The following AGBL1 variants were observed in gnomAD, a reference collection of about 807,000 sequenced individuals.
AGBL1 encodes AGBL carboxypeptidase 1.
Under a neutral mutation model 118.9 loss-of-function variants are expected in AGBL1, and 130 were observed. The ratio of observed to expected loss-of-function variants is 1.09; its 90% CI spans 0.95 to 1.26. The LOEUF (loss-of-function observed/expected upper bound fraction) is 1.26. AGBL1 is among the 50% of genes most tolerant of loss of function. AGBL1 has a pLI of 0.00. For synonymous variants in AGBL1, 555 were observed against 478.9 expected, an observed-to-expected ratio of 1.16 and a Z score of -2.08; for missense variants, 1,584 against 1,298.1, an observed-to-expected ratio of 1.22 and a Z score of -3.38.
At chr15:86,834,129 T>G (rs1431921623) in intron 22 of AGBL1, among the ~76,000 whole-genome samples, 1 of 152,132 alleles carries the variant, frequency 6.6e-6, no homozygotes, top group East Asian at 1.9e-4. Context: ...AAGGAAGCCC[T>G]ATGTCGGGAT....
At chr15:86,729,937 A>AT (rs903702388) in intron 22 of AGBL1, among the ~76,000 whole-genome samples, 3 of 152,032 alleles carry the variant, frequency 2.0e-5, no homozygotes, top group African/African-American at 7.2e-5. Context: ...AACATCTGTT[A>AT]TTTTTTTGAC....
At chr15:86,991,343 C>T (rs890959018) in intron 24 of AGBL1, among the ~76,000 whole-genome samples, 1 of 113,898 alleles carries the variant, frequency 8.8e-6, no homozygotes, top group African/African-American at 3.0e-5. Context: ...AAAATTCCCT[C>T]AGCATCTGAA....
intron 18 of AGBL1, among the ~76,000 whole-genome samples, chr15:86,412,965 A>G (rs2081642827): frequency 6.6e-6 from 1 of 152,210 alleles, no homozygotes; most frequent in Non-Finnish European, 1.5e-5. Flanking sequence ...ATATTTTAAG[A>G]GCAAAATAAG....
chr15:86,538,698 A>G (rs1195063210), intron 19 of AGBL1, among the ~76,000 whole-genome samples: 1 of 152,238 alleles, frequency 6.6e-6, no homozygotes, highest in East Asian at 1.9e-4. Flanking sequence ...GGTATAAATA[A>G]TGCAAATGTC....
At chr15:86,939,801 A>C (rs1412006226) in intron 23 of AGBL1, 1 of 152,244 alleles carries the variant, frequency 6.6e-6, no homozygotes, top group Non-Finnish European at 1.5e-5. Flanking sequence ...TGGAATAAGG[A>C]AGAAAGTCAG....
intron 18 of AGBL1, among the ~76,000 whole-genome samples, chr15:86,474,730 G>C (rs1024642733): frequency 6.6e-6 from 1 of 152,182 alleles, no homozygotes; most frequent in African/African-American, 2.4e-5. Flanking sequence ...GACAGTAGTG[G>C]TTCTCCCAGC....
chr15:86,767,488 CA>C (rs930239252), intron 22 of AGBL1, among the ~76,000 whole-genome samples: 7 of 151,802 alleles, frequency 4.6e-5, no homozygotes, highest in African/African-American at 1.7e-4. Flanking sequence ...GCATGTTACC[CA>C]AAGGATGGAT....
At position 86,907,564 on chromosome 15, in the gene AGBL1, C is replaced by T. The variant is rs577971290; in HGVS notation, c.*270C>T. ...TAGAATGGGACCCAATGGGTAGCCT[C>T]AAGATTACCATGGATCCTTTCAAGA... On this transcript the variant is annotated 3_prime_UTR_variant, in exon 23 of 23. Coordinates refer to ENST00000614907, the MANE Select transcript of AGBL1 (RefSeq NM_001386094.1). The T allele has an allele frequency of 3.3e-5, 5 of 152,278 alleles. No homozygotes were observed. The East Asian group carries it at 7.7e-4, about 24-fold the overall frequency. 9.4% of individuals were successfully genotyped at this position (152,278 alleles called of 1,614,324 possible).
chr15:86,723,279 G>T (rs765999941), intron 22 of AGBL1, among the ~76,000 whole-genome samples: 2 of 152,170 alleles, frequency 1.3e-5, no homozygotes, highest in African/African-American at 4.8e-5. Context: ...TGATAGACTG[G>T]ATTAAGAAAA....
Position 86,871,923 on chromosome 15 carries a change from ATACAGT to A in AGBL1, c.3159-35159_3159-35154del, listed in dbSNP as rs1446628908. ...GTCACTTGACACATTTAGCTTTAAA[ATACAGT>A]TACATTTAGAAAATACTTTGGTACA... On this transcript the variant is annotated intron_variant, in intron 22 of 22. Coordinates refer to ENST00000614907, the MANE Select transcript of AGBL1 (RefSeq NM_001386094.1). 2.6e-5 allele frequency among the ~76,000 whole-genome samples: 4 copies of A among 152,364 alleles called. No individual in the cohort carries two copies. In the East Asian group the frequency reaches 7.7e-4, roughly 29 times the overall value.
chr15:86,986,131 C>G (rs778403367), intron 23 of AGBL1, among the ~76,000 whole-genome samples: 9 of 152,138 alleles, frequency 5.9e-5, no homozygotes, highest in Non-Finnish European at 2.9e-5. Context: ...GCCACGTTGG[C>G]CAGGCTGGTC....
intron 1 of AGBL1, among the ~76,000 whole-genome samples, chr15:86,134,492 G>A (rs1221300833): frequency 1.3e-5 from 2 of 150,758 alleles, no homozygotes; most frequent in Admixed American, 6.7e-5. Context: ...GGGATGGACT[G>A]TTTTTTTCCC....
chr15:86,132,698 A>G (rs1356291821), intron 1 of AGBL1, among the ~76,000 whole-genome samples: 4 of 152,168 alleles, frequency 2.6e-5, no homozygotes, highest in African/African-American at 9.7e-5. Flanking sequence ...TATTATGATG[A>G]CCGGAGACTT....
At chr15:86,443,523 A>T (rs1388058018) in intron 18 of AGBL1, among the ~76,000 whole-genome samples, 1 of 152,136 alleles carries the variant, frequency 6.6e-6, no homozygotes, top group Non-Finnish European at 1.5e-5. Context: ...GTCACCCTAC[A>T]GTGCTACAGA....
intron 22 of AGBL1, among the ~76,000 whole-genome samples, chr15:86,904,322 C>T (rs571526050): frequency 2.6e-5 from 4 of 151,888 alleles, no homozygotes; most frequent in East Asian, 1.9e-4. Context: ...ACTCCATCCA[C>T]GTTTCAGTGT....
chr15:86,198,683 T>G (rs913103113), intron 5 of AGBL1, among the ~76,000 whole-genome samples: 3 of 151,998 alleles, frequency 2.0e-5, no homozygotes, highest in Non-Finnish European at 4.4e-5. Flanking sequence ...TCTCTCTCTT[T>G]CTGTGTGTGT....
At chr15:86,937,805 G>T (rs1259403100) in intron 23 of AGBL1, among the ~76,000 whole-genome samples, 2 of 152,096 alleles carry the variant, frequency 1.3e-5, no homozygotes, top group East Asian at 1.9e-4. Flanking sequence ...TAAAATAAAA[G>T]TTAAAACAAA....
At chr15:86,874,556 G>T (rs907874602) in intron 22 of AGBL1, among the ~76,000 whole-genome samples, 1 of 152,084 alleles carries the variant, frequency 6.6e-6, no homozygotes, top group African/African-American at 2.4e-5. Context: ...GTGGGTACCT[G>T]AGCCCCTGCC....
At chr15:86,131,436 T>G (rs763542289) in intron 1 of AGBL1, among the ~76,000 whole-genome samples, 1 of 152,196 alleles carries the variant, frequency 6.6e-6, no homozygotes, top group Non-Finnish European at 1.5e-5. Context: ...TATTTTACAA[T>G]GTCCTATTTT....
Sources: gnomAD v4.1 joint callset for allele counts (sites outside exome capture counted in the v4.1 genomes callset) on GRCh38, gnomAD v4.1.1 for gene constraint, MANE v1.5 for transcripts, NCBI Gene and HGNC (gene_info 2026-07-23, HGNC 2026-07-21) for gene names.